SYT1: variants seen among roughly 807,000 people sequenced by gnomAD.
The protein encoded by SYT1 is synaptotagmin 1.
A neutral mutation model predicts 44.8 loss-of-function variants in SYT1; 8 were observed. That is an observed-to-expected ratio of 0.18 (90% CI 0.10 to 0.32). SYT1 has a LOEUF of 0.32. SYT1 is among the 10% of genes least tolerant of loss of function. The pLI is 1.00. For missense variants in SYT1, 286 were observed against 509.3 expected (o/e 0.56, Z 4.22); for synonymous variants, 154 against 188.8 (o/e 0.82, Z 1.51).
intron 3 of SYT1, among the ~76,000 whole-genome samples, chr12:79,142,874 G>A (rs1035986151): frequency 2.0e-5 from 3 of 152,164 alleles, no homozygotes; most frequent in Non-Finnish European, 4.4e-5. Context: ...GTCTGCTGCA[G>A]AATGCTTGGA....
At chr12:79,131,034 T>C (rs2138176918) in intron 3 of SYT1, among the ~76,000 whole-genome samples, 1 of 152,300 alleles carries the variant, frequency 6.6e-6, no homozygotes, top group South Asian at 2.1e-4. Context: ...CTGTGCAAAT[T>C]ATTTCACTTC....
intron 9 of SYT1, among the ~76,000 whole-genome samples, chr12:79,382,943 G>A (rs1000253167): frequency 5.3e-5 from 8 of 152,194 alleles, no homozygotes; most frequent in African/African-American, 1.9e-4. Context: ...TGAAACTGTA[G>A]ATAATAAATC....
At chr12:79,291,853 A>T in intron 5 of SYT1, 155 bp from the exon 6 acceptor site, 1 of 963,176 alleles carries the variant, frequency 1.0e-6, no homozygotes, top group Non-Finnish European at 1.6e-6. Context: ...TTTAAAAAAT[A>T]TGTAAGCAGC....
At chr12:79,168,246 G>C (rs1871324992) in intron 3 of SYT1, among the ~76,000 whole-genome samples, 1 of 152,064 alleles carries the variant, frequency 6.6e-6, no homozygotes, top group Non-Finnish European at 1.5e-5. Flanking sequence ...AAAGTTGTCA[G>C]ATTACCTCCC....
chr12:79,429,261 C>T (rs1239702377), intron 9 of SYT1, among the ~76,000 whole-genome samples: 3 of 152,116 alleles, frequency 2.0e-5, no homozygotes, highest in Non-Finnish European at 4.4e-5. Flanking sequence ...GGCTGGAGTG[C>T]AGTGGTGTGA....
intron 3 of SYT1, among the ~76,000 whole-genome samples, chr12:79,101,474 G>T (rs569205703): frequency 6.6e-6 from 1 of 152,304 alleles, no homozygotes; most frequent in South Asian, 2.1e-4. Context: ...GAAGAATGGA[G>T]AGTCAGAGTA....
At chr12:78,906,690 A>G (rs1290560466) in intron 1 of SYT1, among the ~76,000 whole-genome samples, 1 of 152,020 alleles carries the variant, frequency 6.6e-6, no homozygotes, top group Non-Finnish European at 1.5e-5. Flanking sequence ...CAGGTCGTGG[A>G]CAGACTGGGG....
At chr12:79,091,783 G>GT (rs1233972434) in intron 3 of SYT1, among the ~76,000 whole-genome samples, 1 of 151,876 alleles carries the variant, frequency 6.6e-6, no homozygotes, top group Non-Finnish European at 1.5e-5. Flanking sequence ...ATACACTGTA[G>GT]TTTTCTTTTA....
chr12:78,929,880 T>G (rs1054578259), intron 1 of SYT1, among the ~76,000 whole-genome samples: 5 of 152,180 alleles, frequency 3.3e-5, no homozygotes, highest in African/African-American at 1.2e-4. Flanking sequence ...AAGAATGTGG[T>G]GGGGGGAAGG....
At chr12:78,933,464 G>C (rs1345387171) in intron 1 of SYT1, among the ~76,000 whole-genome samples, 3 of 152,050 alleles carry the variant, frequency 2.0e-5, no homozygotes, top group African/African-American at 7.2e-5. Flanking sequence ...CTATATTCTT[G>C]AATTTAGTAG....
At chr12:79,059,509 A>G (rs1751684876) in intron 3 of SYT1, among the ~76,000 whole-genome samples, 2 of 152,246 alleles carry the variant, frequency 1.3e-5, no homozygotes, top group Admixed American at 6.6e-5. Flanking sequence ...GTTAGTTATA[A>G]CATTCCTTAT....
intron 6 of SYT1, among the ~76,000 whole-genome samples, chr12:79,293,737 A>C (rs1879748404): frequency 6.6e-6 from 1 of 152,226 alleles, no homozygotes; most frequent in Admixed American, 6.5e-5. Flanking sequence ...AGGGTTCCTC[A>C]TGAAGGATGT....
At chr12:79,320,631 CT>C (rs1238049487) in intron 8 of SYT1, among the ~76,000 whole-genome samples, 1 of 140,012 alleles carries the variant, frequency 7.1e-6, no homozygotes, top group Non-Finnish European at 1.6e-5. Flanking sequence ...GGTAATTTAT[CT>C]TTTTTTCTTT....
At chr12:79,421,571 C>A (rs1472585831) in intron 9 of SYT1, among the ~76,000 whole-genome samples, 1 of 152,096 alleles carries the variant, frequency 6.6e-6, no homozygotes, top group East Asian at 1.9e-4. Context: ...GACTGAAATT[C>A]TTTCATGATA....
At chr12:78,939,238 G>A (rs1017547388) in intron 1 of SYT1, among the ~76,000 whole-genome samples, 25 of 152,202 alleles carry the variant, frequency 1.6e-4, no homozygotes, top group African/African-American at 5.8e-4. Context: ...TGTGGACTAT[G>A]AGTTATTAAA....
chr12:79,123,225 T>G (rs1020737733), intron 3 of SYT1, among the ~76,000 whole-genome samples: 7 of 152,024 alleles, frequency 4.6e-5, no homozygotes, highest in Admixed American at 3.9e-4. Flanking sequence ...AAATGTGCTT[T>G]AAGTTGGGTG....
At chr12:78,955,380 G>C (rs941520535) in intron 1 of SYT1, 3 of 151,958 alleles carry the variant, frequency 2.0e-5, no homozygotes, top group Non-Finnish European at 4.4e-5. Flanking sequence ...ATTTTTAGTT[G>C]GTATGTTAGA....
chr12:79,169,450 G>T lies in SYT1; in HGVS notation c.-17-48053G>T, dbSNP rs554095795. Among the ~76,000 whole-genome samples the T allele has an allele frequency of 2.1e-4, 32 of 152,046 alleles. No individual in the cohort carries two copies. In the South Asian group the frequency reaches 6.6e-3, roughly 32 times the overall value. ...AGAAATATATACAATCTTATTTAGC[G>T]ATCTGCTTATTATCACATGAATTTG... On this transcript the variant is annotated intron_variant, in intron 3 of 10. Transcript: ENST00000261205.
chr12:78,922,183 G>A lies in SYT1; in HGVS notation c.-216-55616G>A, dbSNP rs118152823. ...TGAACAGTTTGAAGAACTTGAACTGGAATATCTCTTACACTAAGCACAGGA... is the reference window on the plus strand; with the variant it reads ...TGAACAGTTTGAAGAACTTGAACTGAAATATCTCTTACACTAAGCACAGGA... On this transcript the variant is annotated intron_variant, in intron 1 of 10. Transcript: ENST00000261205. Among the ~76,000 whole-genome samples, 47 of 151,946 alleles carry A rather than the reference G, an allele frequency of 3.1e-4. No individual in the cohort carries two copies. In the East Asian group the frequency reaches 7.9e-3, roughly 26 times the overall value.
Sources: gnomAD v4.1 joint callset for allele counts (sites outside exome capture counted in the v4.1 genomes callset) on GRCh38, gnomAD v4.1.1 for gene constraint, MANE v1.5 for transcripts, NCBI Gene and HGNC (gene_info 2026-07-23, HGNC 2026-07-21) for gene names.